The following DNAH2 variants were observed in gnomAD, a reference collection of about 807,000 sequenced individuals.
DNAH2 encodes dynein axonemal heavy chain 2, also known as axonemal beta dynein heavy chain 2.
DNAH2 carries 323 observed loss-of-function variants against 523.5 expected under a neutral mutation model. The observed-to-expected ratio is 0.62, with a 90% CI of 0.56 to 0.68. The LOEUF is 0.68. Among genes scored for constraint, DNAH2 ranks in the 30% least tolerant of loss-of-function variants. DNAH2 has a pLI of 0.00. For missense variants in DNAH2, 4,907 were observed against 5,701.5 expected (o/e 0.86, Z 4.49); for synonymous variants, 2,093 against 2,177.4 (o/e 0.96, Z 1.08).
chr17:7,808,750 C>T (rs946837194), intron 63 of DNAH2, among the ~76,000 whole-genome samples: 5 of 152,210 alleles, frequency 3.3e-5, no homozygotes, highest in Non-Finnish European at 5.9e-5. Flanking sequence ...GCTGGGACTA[C>T]AGGTGCCCGC....
intron 32 of DNAH2, 110 bp from the exon 33 acceptor site, chr17:7,777,336 G>A (rs1336970049): frequency 3.4e-6 from 4 of 1,169,836 alleles, no homozygotes; most frequent in Non-Finnish European, 5.0e-6. Context: ...AGGAGTTACA[G>A]CAGGTGGGGT....
At chr17:7,743,247 C>T in intron 12 of DNAH2, 105 bp downstream of exon 12, 1 of 1,205,566 alleles carries the variant, frequency 8.3e-7, no homozygotes, top group Non-Finnish European at 1.2e-6. Flanking sequence ...CTCTCTCTTT[C>T]TCATACAATA....
Position 7,723,698 on chromosome 17 carries a change from G to A in DNAH2, c.228+9G>A. The A allele has an allele frequency of 6.2e-7, 1 of 1,613,610 alleles. No individual in the cohort carries two copies. Among genetic ancestry groups the A allele is most frequent in the Non-Finnish European group, 8.5e-7 (1 of 1,179,592 alleles). On this transcript the variant is annotated intron_variant, in intron 3 of 85. Coordinates refer to ENST00000572933, the MANE Select transcript of DNAH2 (RefSeq NM_020877.5). ...AGCCCGAGGCAGATGTGGTAGGCTT[G>A]GGTCTTCCCTGTGGCAGATATTCCT...
chr17:7,736,649 C>T (rs554487877), intron 7 of DNAH2, among the ~76,000 whole-genome samples: 1 of 152,268 alleles, frequency 6.6e-6, no homozygotes, highest in Admixed American at 6.5e-5. Flanking sequence ...GGAGGGATTC[C>T]TCTTAGAGGC....
intron 3 of DNAH2, 103 bp downstream of exon 3, chr17:7,723,792 T>C (rs2074708469): frequency 1.0e-6 from 1 of 994,856 alleles, no homozygotes; most frequent in African/African-American, 1.6e-5. Context: ...TGTCTGCCAC[T>C]TCTTCTACTT....
chr17:7,790,863 T>G (rs1436268911), intron 44 of DNAH2, among the ~76,000 whole-genome samples: 1 of 151,990 alleles, frequency 6.6e-6, no homozygotes, highest in African/African-American at 2.4e-5. Context: ...CACACCACCA[T>G]GCCTGGCTTT....
At chr17:7,826,687 C>T (rs767826719) in intron 77 of DNAH2, among the ~76,000 whole-genome samples, 3 of 151,572 alleles carry the variant, frequency 2.0e-5, no homozygotes, top group Non-Finnish European at 2.9e-5. Context: ...TACAGGTGCC[C>T]GCCACCACAC....
chr17:7,727,523 G>A (rs2074856042), intron 4 of DNAH2, among the ~76,000 whole-genome samples: 1 of 152,176 alleles, frequency 6.6e-6, no homozygotes, highest in Non-Finnish European at 1.5e-5. Flanking sequence ...GGAGGCCGAG[G>A]CGGGTGGGCG....
intron 63 of DNAH2, among the ~76,000 whole-genome samples, chr17:7,811,765 C>G (rs2077524908): frequency 6.6e-6 from 1 of 152,148 alleles, no homozygotes; most frequent in Admixed American, 6.5e-5. Flanking sequence ...CAACACCACT[C>G]CACTGGAGAT....
intron 56 of DNAH2, among the ~76,000 whole-genome samples, 199 bp downstream of exon 56, chr17:7,799,441 A>G (rs905744463): frequency 9.9e-5 from 15 of 152,170 alleles, no homozygotes; most frequent in Non-Finnish European, 2.2e-4. Flanking sequence ...CTTTTTTGGC[A>G]TAACTAGATT....
At chr17:7,823,359 G>GAA in intron 73 of DNAH2, 83 bp from the exon 74 acceptor site, 2 of 1,406,260 alleles carry the variant, frequency 1.4e-6, no homozygotes, top group Non-Finnish European at 2.0e-6. Context: ...GAGAGAGAGA[G>GAA]AGAGAGAGAG....
intron 4 of DNAH2, among the ~76,000 whole-genome samples, chr17:7,727,754 C>CAAAAAAA (rs766811062): frequency 5.7e-4 from 28 of 48,960 alleles, no homozygotes; most frequent in African/African-American, 2.3e-3. Flanking sequence ...GACTCTGTCT[C>CAAAAAAA]AAAAAAAAAA....
rs1728351195 is a variant in DNAH2, at chr17:7,740,690, G to C, written c.1507-120G>C. On this transcript the variant is annotated intron_variant, in intron 10 of 85. Coordinates refer to ENST00000572933, the MANE Select transcript of DNAH2 (RefSeq NM_020877.5). ...GCCTCTTGTCTTTCTTCTGTTCCCT[G>C]GCTTCGGCGTCCCCGGGAGTGTGAC... 10 of 1,530,134 alleles carry C rather than the reference G, an allele frequency of 6.5e-6. No individual in the cohort carries two copies. In the South Asian group the frequency reaches 1.3e-4, roughly 19 times the overall value. The allele number at this position is 1,530,134 out of a possible 1,614,324, so 94.8% of individuals were successfully genotyped here.
At position 7,787,953 on chromosome 17, in the gene DNAH2, G is replaced by A; in HGVS notation, c.6697G>A (p.Gly2233Ser). Residue 2233 changes from glycine to serine, a missense_variant, in exon 43 of 86, where the codon GGC becomes AGC. By Grantham distance (56) the Gly-to-Ser change is moderately conservative. This residue lies in a region of DNAH2 where 2,806 missense variants were observed against 3,190.8 expected (regional missense o/e 0.88). Coordinates refer to ENST00000572933, the MANE Select transcript of DNAH2 (RefSeq NM_020877.5). ...GMVYTDYADL[G>S]WKPYVQSWLE... ...GGTCTACACTGACTACGCTGACCTG[G>A]GCTGGAAGCCCTATGTTCAGTCATG... The A allele has an allele frequency of 6.2e-7, 1 of 1,614,164 alleles. No individual in the cohort carries two copies.
intron 20 of DNAH2, among the ~76,000 whole-genome samples, chr17:7,765,050 C>T (rs1199281518): frequency 4.6e-5 from 7 of 152,122 alleles, no homozygotes. Context: ...TGAGCCACCA[C>T]ACCCGGCCAG....
chr17:7,726,009 T>C (rs182550303), intron 3 of DNAH2, among the ~76,000 whole-genome samples: 1 of 152,118 alleles, frequency 6.6e-6, no homozygotes, highest in African/African-American at 2.4e-5. Flanking sequence ...TTTATTTGTT[T>C]GTTTATTTAT....
intron 39 of DNAH2, among the ~76,000 whole-genome samples, chr17:7,783,154 C>T (rs1294989535): frequency 4.6e-5 from 7 of 151,998 alleles, no homozygotes; most frequent in East Asian, 1.9e-4. Context: ...CTTGGCTCAC[C>T]GCAACCTCCG....
chr17:7,792,681 G>A lies in DNAH2; in HGVS notation c.7170G>A (p.Val2390=), dbSNP rs1298040207. ...GCGCCCCCTTCTATAAGATCATGGT[G>A]CCCACCGTCGACACTGTTCGCTACA... ...PPNAPFYKIM[V]PTVDTVRYNY... is the part of the protein sequence containing the mutation. Residue 2390 remains valine, a synonymous_variant, in exon 47 of 86, where the codon GTG becomes GTA. Transcript: ENST00000572933. 1 of 1,614,072 alleles carries A rather than the reference G, an allele frequency of 6.2e-7. No individual in the cohort carries two copies. Among genetic ancestry groups the A allele is most frequent in the Non-Finnish European group, 8.5e-7 (1 of 1,179,990 alleles).
At chr17:7,810,505 C>T (rs1437355253) in intron 63 of DNAH2, among the ~76,000 whole-genome samples, 1 of 152,182 alleles carries the variant, frequency 6.6e-6, no homozygotes, top group Admixed American at 6.5e-5. Context: ...TCTCCTGCCT[C>T]AGCCTCCCGA....
Sources: allele counts gnomAD v4.1 joint callset (sites outside exome capture counted in the v4.1 genomes callset), GRCh38; gene constraint gnomAD v4.1.1; regional missense constraint gnomAD v4.1.1; transcripts MANE v1.5; gene names NCBI Gene and HGNC (gene_info 2026-07-23, HGNC 2026-07-21).